CREB3: variants seen among roughly 807,000 people sequenced by gnomAD.
The protein encoded by CREB3 is cyclic AMP-responsive element-binding protein 3.
A neutral mutation model predicts 34.5 loss-of-function variants in CREB3; 29 were observed. The ratio of observed to expected loss-of-function variants is 0.84; its 90% CI spans 0.63 to 1.15. The LOEUF is 1.15. CREB3 is among the 50% of genes most tolerant of loss of function. The pLI, the probability that CREB3 is intolerant of heterozygous loss-of-function variation, is 0.00. For missense variants in CREB3, 447 were observed against 443.4 expected, an observed-to-expected ratio of 1.01 and a Z score of -0.07; for synonymous variants, 187 against 173.9, an observed-to-expected ratio of 1.08 and a Z score of -0.59.
chr9:35,736,173 G>A (rs776189995), intron 7 of CREB3, 41 bp downstream of exon 7: 2 of 1,612,572 alleles, frequency 1.2e-6, no homozygotes, highest in East Asian at 2.2e-5. Context: ...TTCTCAGTTG[G>A]TGGGGACAGG....
rs1041161229 is a variant in CREB3, at chr9:35,732,707, C to A, written c.-66C>A. 6.4e-7 allele frequency: 1 copy of A among 1,557,040 alleles called. No individual in the cohort carries two copies. The highest frequency in any genetic ancestry group is 2.2e-5 in the East Asian group (1 of 44,566). ...TAGGTGCCCGAGGCCTACAGCTGGCCTGGGGCTCGTGTCTGGGCTTCGGAC... is the reference window on the plus strand; with the variant it reads ...TAGGTGCCCGAGGCCTACAGCTGGCATGGGGCTCGTGTCTGGGCTTCGGAC... On this transcript the variant is annotated 5_prime_UTR_variant, in exon 1 of 9. It adds an upstream start codon to the 5' untranslated region. Coordinates refer to ENST00000353704, the MANE Select transcript of CREB3 (RefSeq NM_006368.5). This position sits in a 1 kb window ranked among gnomAD's most constrained non-coding sequence, Gnocchi z 5.1.
chr9:35,734,416 G>A (rs1826157075), intron 4 of CREB3, among the ~76,000 whole-genome samples: 1 of 151,964 alleles, frequency 6.6e-6, no homozygotes, highest in Non-Finnish European at 1.5e-5. Context: ...AGAGGATGCA[G>A]TCTATCCTGA....
rs1288474843 is a variant in CREB3 at position 35,732,732 on chromosome 9, C to G, written c.-41C>G. ...CTGGGGCTCGTGTCTGGGCTTCGGA[C>G]GTTGGGGCCCGGTGGCCCACCCTTT... On this transcript the variant is annotated 5_prime_UTR_variant, in exon 1 of 9. Coordinates refer to ENST00000353704, the MANE Select transcript of CREB3 (RefSeq NM_006368.5). This position sits in a 1 kb window ranked among gnomAD's most constrained non-coding sequence, Gnocchi z 5.1. 1.3e-6 allele frequency: 2 copies of G among 1,581,768 alleles called. No homozygotes were observed. Among genetic ancestry groups the G allele is most frequent in the Non-Finnish European group, 1.7e-6 (2 of 1,163,810 alleles).
At chr9:35,735,054 C>T (rs1826172504) in intron 4 of CREB3, 55 bp from the exon 5 acceptor site, 1 of 1,460,764 alleles carries the variant, frequency 6.8e-7, no homozygotes, top group Non-Finnish European at 9.4e-7. Flanking sequence ...AGTTGCGTTT[C>T]AACTCCTTTT....
In CREB3 at chr9:35,733,290, A is replaced by T. The variant is rs772295721; in HGVS notation, c.345+8A>T. 47 of 1,613,976 alleles carry T rather than the reference A, an allele frequency of 2.9e-5. No individual in the cohort carries two copies. In the South Asian group the frequency reaches 4.8e-4, roughly 17 times the overall value. On this transcript the variant is annotated splice_region_variant and intron_variant, in intron 3 of 8. Transcript: ENST00000353704. Reference sequence around the variant, plus strand: ...GAGGAGCTGGCAGAGCAGGTACTTGACTTGATTTTCAGGAGATTACTCTCA... The same window carrying T: ...GAGGAGCTGGCAGAGCAGGTACTTGTCTTGATTTTCAGGAGATTACTCTCA...
rs1430765904 is a variant in CREB3, at chr9:35,736,471, G to A, written c.861G>A (p.Pro287=). ...LELPALQSEV[P]KDSTHQWLDG... is the part of the protein sequence containing the mutation. ...TGCCTGCCCTGCAGTCAGAAGTGCC[G>A]AAAGACAGCACACACCAGTGGTTGG... Residue 287 remains proline (P), a synonymous_variant, in exon 9 of 9, where the codon CCG becomes CCA. Coordinates refer to ENST00000353704, the MANE Select transcript of CREB3 (RefSeq NM_006368.5). 10 of 1,614,012 alleles carry A rather than the reference G, an allele frequency of 6.2e-6. No individual in the cohort carries two copies. The highest frequency in any genetic ancestry group is 5.5e-5 in the South Asian group (5 of 91,080).
Position 35,733,451 on chromosome 9 carries a change from G to A in CREB3, c.401G>A (p.Gly134Glu), listed in dbSNP as rs748579548. The A allele has an allele frequency of 1.9e-6, 3 of 1,613,476 alleles. No individual in the cohort carries two copies. In the South Asian group the frequency reaches 3.3e-5, roughly 18 times the overall value. ...DEEKSLLEKE[G>E]LILPETLPLT... ...GAGAAGAGTCTATTGGAGAAGGAGG[G>A]GCTTATTCTGCCTGAGACACTTCCT... Residue 134 changes from glycine to glutamate, a missense_variant, in exon 4 of 9, where the codon GGG becomes GAG. Physicochemically the swap from Gly to Glu is moderately conservative, Grantham distance 98. Transcript: ENST00000353704.
At position 35,736,590 on chromosome 9, in the gene CREB3, G is replaced by T. The variant is rs1826218764; in HGVS notation, c.980G>T (p.Trp327Leu). 1.9e-6 allele frequency: 3 copies of T among 1,614,082 alleles called. No homozygotes were observed. Among genetic ancestry groups the T allele is most frequent in the East Asian group, 2.2e-5 (1 of 44,880 alleles). Reference protein sequence around the residue: ...QAPSAEPPLEWPFPDLFSEPL... With the variant: ...QAPSAEPPLELPFPDLFSEPL... ...CCCAGTGCAGAGCCTCCCCTGGAGT[G>T]GCCATTCCCTGACCTCTTCTCAGAG... Residue 327 changes from tryptophan to leucine, a missense_variant, in exon 9 of 9, where the codon TGG becomes TTG. By Grantham distance (61) the Trp-to-Leu change is moderately conservative (BLOSUM62 -2). Transcript: ENST00000353704.
chr9:35,736,261 C>G lies in CREB3; in HGVS notation c.731C>G (p.Pro244Arg), dbSNP rs1279383564. ...GTCTCCTTCTGCCTCCTCCTTGTACCTGCTATGTACTCCTCTGACACAAGG... is the reference window on the plus strand; with the variant it reads ...GTCTCCTTCTGCCTCCTCCTTGTACGTGCTATGTACTCCTCTGACACAAGG... ...LLVSFCLLLV[P>R]AMYSSDTRGS... The change falls in exon 8 of 9, where the codon CCT becomes CGT. Residue 244 changes from proline (P) to arginine (R), a missense_variant. Coordinates refer to ENST00000353704, the MANE Select transcript of CREB3 (RefSeq NM_006368.5). The G allele has an allele frequency of 3.1e-6, 5 of 1,614,018 alleles. No homozygotes were observed. The highest frequency in any genetic ancestry group is 3.4e-6 in the Non-Finnish European group (4 of 1,180,018).
Position 35,736,395 on chromosome 9 carries a change from TGTC to T in CREB3, c.786_788del (p.Leu262_Ser263delinsPhe). On this transcript the variant is annotated inframe_deletion, in exon 9 of 9. Coordinates refer to ENST00000353704, the MANE Select transcript of CREB3 (RefSeq NM_006368.5). ...TGAAGATTCTTTGTCTCCTCAGTGT[TGTC>T]CCGCCAGCTTCGTGCCCTCCCCAGT... 1 of 1,613,884 alleles carries T rather than the reference TGTC, an allele frequency of 6.2e-7. No homozygotes were observed. Among genetic ancestry groups the T allele is most frequent in the South Asian group, 1.1e-5 (1 of 91,076 alleles).
In CREB3 at chr9:35,735,231, G is replaced by C. The variant is rs765778509; in HGVS notation, c.542+16G>C. On this transcript the variant is annotated intron_variant, in intron 5 of 8. Coordinates refer to ENST00000353704, the MANE Select transcript of CREB3 (RefSeq NM_006368.5). ...TAGAGAGCAGGTATGAAAGGGAGAG[G>C]GACTCTGTTGTAAGTATTAGGTTTT... The C allele has an allele frequency of 6.2e-7, 1 of 1,612,222 alleles. No individual in the cohort carries two copies.
Position 35,736,253 on chromosome 9 carries a change from C to T in CREB3, c.723C>T (p.Leu241=). 1 of 1,614,162 alleles carries T rather than the reference C, an allele frequency of 6.2e-7. No homozygotes were observed. The highest frequency in any genetic ancestry group is 8.5e-7 in the Non-Finnish European group (1 of 1,180,026). Residue 241 remains leucine (L), a synonymous_variant, in exon 8 of 9, where the codon CTC becomes CTT. Coordinates refer to ENST00000353704, the MANE Select transcript of CREB3 (RefSeq NM_006368.5). ...ILVLLVSFCL[L]LVPAMYSSDT... is the part of the protein sequence containing the mutation. ...TCCTACTAGTCTCCTTCTGCCTCCT[C>T]CTTGTACCTGCTATGTACTCCTCTG...
chr9:35,735,855 G>T (rs577209584), intron 6 of CREB3, among the ~76,000 whole-genome samples, 193 bp from the exon 7 acceptor site: 4 of 151,964 alleles, frequency 2.6e-5, no homozygotes, highest in Non-Finnish European at 4.4e-5. Context: ...TTTGCTTTTT[G>T]TTGTTGTTGT....
chr9:35,736,780 G>A lies in CREB3; in HGVS notation c.*54G>A. ...GGAGCCTGGGGGGCTCCCCATCTGT[G>A]TCCAAATAAAAAGCGGTGGGCAAGG... is the stretch of plus-strand genomic sequence containing the variant. On this transcript the variant is annotated 3_prime_UTR_variant, in exon 9 of 9. Coordinates refer to ENST00000353704, the MANE Select transcript of CREB3 (RefSeq NM_006368.5). 1 of 1,509,632 alleles carries A rather than the reference G, an allele frequency of 6.6e-7. No individual in the cohort carries two copies. Among genetic ancestry groups the A allele is most frequent in the Non-Finnish European group, 8.9e-7 (1 of 1,118,486 alleles). 93.5% of individuals were successfully genotyped at this position (1,509,632 alleles called of 1,614,324 possible).
In CREB3 at chr9:35,733,428, G is replaced by A. The variant is rs1563950930; in HGVS notation, c.378G>A (p.Glu126=). The change falls in exon 4 of 9, where the codon GAG becomes GAA. Residue 126 remains glutamate, a synonymous_variant. Coordinates refer to ENST00000353704, the MANE Select transcript of CREB3 (RefSeq NM_006368.5). ...EIARLVLTDE[E]KSLLEKEGLI... is the part of the protein sequence containing the mutation. Reference sequence around the variant, plus strand: ...CTAGGCTAGTACTGACAGATGAGGAGAAGAGTCTATTGGAGAAGGAGGGGC... The same window carrying A: ...CTAGGCTAGTACTGACAGATGAGGAAAAGAGTCTATTGGAGAAGGAGGGGC... 1.9e-6 allele frequency: 3 copies of A among 1,613,912 alleles called. No individual in the cohort carries two copies. The South Asian group carries it at 3.3e-5, about 18-fold the overall frequency.
At chr9:35,735,825 T>G (rs540244130) in intron 6 of CREB3, among the ~76,000 whole-genome samples, 3 of 152,108 alleles carry the variant, frequency 2.0e-5, no homozygotes, top group African/African-American at 7.2e-5. Flanking sequence ...CCTGGCAGAG[T>G]TTTTTTGTTT....
Position 35,736,483 on chromosome 9 carries a change from AC to A in CREB3, c.874del (p.His292ThrfsTer127). The A allele has an allele frequency of 6.2e-7, 1 of 1,614,180 alleles. No homozygotes were observed. Among genetic ancestry groups the A allele is most frequent in the Non-Finnish European group, 8.5e-7 (1 of 1,180,038 alleles). On this transcript the variant is annotated frameshift_variant, in exon 9 of 9. Coordinates refer to ENST00000353704, the MANE Select transcript of CREB3 (RefSeq NM_006368.5). LOFTEE classifies it low-confidence loss of function (END_TRUNC). ...LQSEVPKDST[H>X]QWLDGSDCVL... ...AGTCAGAAGTGCCGAAAGACAGCAC[AC>A]ACCAGTGGTTGGACGGCTCAGACTG...
chr9:35,733,770 G>A (rs945017340), intron 4 of CREB3, among the ~76,000 whole-genome samples: 1 of 152,048 alleles, frequency 6.6e-6, no homozygotes, highest in Non-Finnish European at 1.5e-5. Flanking sequence ...GTAAGTGAAG[G>A]GCCTTGACAC....
intron 4 of CREB3, 81 bp from the exon 5 acceptor site, chr9:35,735,028 G>C (rs1165744180): frequency 8.5e-7 from 1 of 1,169,616 alleles, no homozygotes; most frequent in Non-Finnish European, 1.2e-6. Flanking sequence ...TTCTGTATTG[G>C]AAAGAGATTG....
Sources: allele counts gnomAD v4.1 joint callset (sites outside exome capture counted in the v4.1 genomes callset), GRCh38; gene constraint gnomAD v4.1.1; non-coding constraint Gnocchi (gnomAD v3.1); transcripts MANE v1.5; gene names NCBI Gene and HGNC (gene_info 2026-07-23, HGNC 2026-07-21).